The following PRDM16 variants were observed in gnomAD, a reference collection of about 807,000 sequenced individuals.
PRDM16 encodes the protein histone-lysine N-methyltransferase PRDM16.
In PRDM16, 23 loss-of-function variants were observed where a neutral mutation model predicts 110.6. That is an observed-to-expected ratio of 0.21 (90% CI 0.15 to 0.29). PRDM16 has a LOEUF of 0.29. Ranked by LOEUF, PRDM16 falls within the 10% of genes least tolerant of loss-of-function variation. PRDM16 has a pLI of 1.00. For missense variants in PRDM16, 1,615 were observed against 1,794.3 expected (o/e 0.90, Z 1.81); for synonymous variants, 799 against 781.8 (o/e 1.02, Z -0.37).
chr1:3,376,919 G>C (rs1643000510), intron 3 of PRDM16, among the ~76,000 whole-genome samples: 1 of 152,138 alleles, frequency 6.6e-6, no homozygotes, highest in African/African-American at 2.4e-5. Context: ...CCCCCTATTG[G>C]GCATCAGGAT....
intron 3 of PRDM16, among the ~76,000 whole-genome samples, chr1:3,321,759 GTT>G (rs1288834023): frequency 1.3e-5 from 2 of 150,216 alleles, no homozygotes; most frequent in Admixed American, 1.3e-4. Context: ...CACAATGTGT[GTT>G]TGTGTATGTG....
At chr1:3,388,312 GTCTC>G (rs903479187) in intron 4 of PRDM16, among the ~76,000 whole-genome samples, 6 of 150,816 alleles carry the variant, frequency 4.0e-5, no homozygotes, top group South Asian at 2.1e-4. Flanking sequence ...CTCTTTCTCT[GTCTC>G]TCTCTTTCAA....
intron 1 of PRDM16, among the ~76,000 whole-genome samples, chr1:3,141,696 A>C (rs2100702769): frequency 6.6e-6 from 1 of 152,344 alleles, no homozygotes; most frequent in South Asian, 2.1e-4. Flanking sequence ...CATTTTGTGG[A>C]AATGGCCTTC....
intron 3 of PRDM16, among the ~76,000 whole-genome samples, chr1:3,333,207 C>G (rs552413740): frequency 6.6e-6 from 1 of 152,304 alleles, no homozygotes; most frequent in South Asian, 2.1e-4. Flanking sequence ...AGGTGGGTGC[C>G]TGTCCCTCTG....
rs1343197599 is a variant in PRDM16, at chr1:3,143,154, G to T, written c.38-42971G>T. Reference sequence around the variant, plus strand: ...TAAGAAGGGAGACCTTGTGGCAACCGCAGTGCTGGGCCGGGGGGAGTCGCT... The same window carrying T: ...TAAGAAGGGAGACCTTGTGGCAACCTCAGTGCTGGGCCGGGGGGAGTCGCT... On this transcript the variant is annotated intron_variant, in intron 1 of 16. Transcript: ENST00000270722. The surrounding 1 kb of genome is among the most constrained non-coding windows in gnomAD (Gnocchi z 4.5). Among the ~76,000 whole-genome samples the T allele has an allele frequency of 6.6e-6, 1 of 152,198 alleles. No homozygotes were observed. Among genetic ancestry groups the T allele is most frequent in the African/African-American group, 2.4e-5 (1 of 41,444 alleles).
intron 9 of PRDM16, among the ~76,000 whole-genome samples, chr1:3,414,034 C>A (rs1407566831): frequency 6.6e-6 from 1 of 152,322 alleles, no homozygotes; most frequent in African/African-American, 2.4e-5. Context: ...GGGCAGCACA[C>A]CCCGTGCCAG....
In PRDM16 at chr1:3,359,414, A is replaced by G. The variant is rs983968875; in HGVS notation, c.439-25738A>G. Reference sequence around the variant, plus strand: ...GGCAGAGCTTCCAGAGACCCTGCACATGGAACACATTGGAAGCCCTTGTCG... The same window carrying G: ...GGCAGAGCTTCCAGAGACCCTGCACGTGGAACACATTGGAAGCCCTTGTCG... On this transcript the variant is annotated intron_variant, in intron 3 of 16. Transcript: ENST00000270722. This position sits in a 1 kb window ranked among gnomAD's most constrained non-coding sequence, Gnocchi z 4.3. Among the ~76,000 whole-genome samples, 4 of 152,130 alleles carry G rather than the reference A, an allele frequency of 2.6e-5. No individual in the cohort carries two copies. Among genetic ancestry groups the G allele is most frequent in the Non-Finnish European group, 5.9e-5 (4 of 68,012 alleles).
intron 3 of PRDM16, among the ~76,000 whole-genome samples, chr1:3,248,417 T>C (rs75571687): frequency 0.049 from 7,463 of 152,232 alleles, 360 homozygotes; most frequent in African/African-American, 0.11. Flanking sequence ...TTTTATTTTC[T>C]CTTCCCCTCC....
chr1:3,197,911 C>G (rs1402276072), intron 2 of PRDM16, among the ~76,000 whole-genome samples: 2 of 152,212 alleles, frequency 1.3e-5, no homozygotes, highest in Non-Finnish European at 2.9e-5. Flanking sequence ...GCAGGTCCCA[C>G]TGCCCTCCCG....
At chr1:3,150,899 C>A (rs1398278175) in intron 1 of PRDM16, among the ~76,000 whole-genome samples, 1 of 87,636 alleles carries the variant, frequency 1.1e-5, no homozygotes. Flanking sequence ...GCTATGGAAA[C>A]GGGGGGGCTG....
chr1:3,123,499 T>A (rs1643140224), intron 1 of PRDM16, among the ~76,000 whole-genome samples: 1 of 152,190 alleles, frequency 6.6e-6, no homozygotes, highest in South Asian at 2.1e-4. Flanking sequence ...GCCATTCGGC[T>A]ACATAAACAC....
chr1:3,254,741 T>C (rs1368198700), intron 3 of PRDM16, among the ~76,000 whole-genome samples: 1 of 151,954 alleles, frequency 6.6e-6, no homozygotes, highest in Non-Finnish European at 1.5e-5. Context: ...CCAAGGTAAT[T>C]TATAGATTCA....
chr1:3,252,488 G>A (rs1639956614), intron 3 of PRDM16, among the ~76,000 whole-genome samples: 1 of 152,178 alleles, frequency 6.6e-6, no homozygotes, highest in African/African-American at 2.4e-5. Context: ...CCGCGGTGGA[G>A]GTCCCTAAGG....
chr1:3,303,762 G>C (rs919599579), intron 3 of PRDM16, among the ~76,000 whole-genome samples: 3 of 152,256 alleles, frequency 2.0e-5, no homozygotes, highest in Non-Finnish European at 4.4e-5. Context: ...GGGGTGCGGT[G>C]CATCTCACTG....
chr1:3,167,397 A>C (rs1643969900), intron 1 of PRDM16, among the ~76,000 whole-genome samples: 1 of 152,102 alleles, frequency 6.6e-6, no homozygotes, highest in Admixed American at 6.6e-5. Flanking sequence ...GGTTAGGGAC[A>C]AGAGGGCCTG....
chr1:3,183,757 T>C (rs146719500), intron 1 of PRDM16, among the ~76,000 whole-genome samples: 7 of 152,318 alleles, frequency 4.6e-5, no homozygotes, highest in Non-Finnish European at 1.0e-4. Context: ...AAAAAAGCCA[T>C]GTTTTAAACG....
intron 4 of PRDM16, among the ~76,000 whole-genome samples, chr1:3,393,014 G>A (rs1292557238): frequency 6.6e-6 from 1 of 152,258 alleles, no homozygotes; most frequent in Non-Finnish European, 1.5e-5. Context: ...AGAACCTGAA[G>A]TGTTGGAACA....
In PRDM16 at chr1:3,169,975, G is replaced by A. The variant is rs985671531; in HGVS notation, c.38-16150G>A. 5.2e-5 allele frequency among the ~76,000 whole-genome samples: 8 copies of A among 152,382 alleles called. No individual in the cohort carries two copies. The South Asian group carries it at 1.0e-3, about 20-fold the overall frequency. On this transcript the variant is annotated intron_variant, in intron 1 of 16. Transcript: ENST00000270722. ...GATGTATGTGGACTGTGCACACCTC[G>A]TGGCAGAGGTGAAAATCATTTCGAC...
chr1:3,153,734 C>T (rs902317881), intron 1 of PRDM16, among the ~76,000 whole-genome samples: 1 of 152,246 alleles, frequency 6.6e-6, no homozygotes, highest in African/African-American at 2.4e-5. Flanking sequence ...CACTGATTAA[C>T]AGTCATATGC....
Sources: allele counts gnomAD v4.1 joint callset (sites outside exome capture counted in the v4.1 genomes callset), GRCh38; gene constraint gnomAD v4.1.1; non-coding constraint Gnocchi (gnomAD v3.1); transcripts MANE v1.5; gene names NCBI Gene and HGNC (gene_info 2026-07-23, HGNC 2026-07-21).